Variants in NXPE3 observed in about 807,000 individuals in gnomAD.
NXPE3 encodes neurexophilin and PC-esterase domain family member 3.
In NXPE3, 26 loss-of-function variants were observed where a neutral mutation model predicts 46.1. The observed-to-expected ratio is 0.56, with a 90% confidence interval of 0.41 to 0.78. The LOEUF is 0.78. NXPE3 is among the 30% of genes least tolerant of loss of function. NXPE3 has a pLI of 0.00. For synonymous variants in NXPE3, 272 were observed against 257.9 expected (o/e 1.05, Z -0.52); for missense variants, 620 against 686.0 (o/e 0.90, Z 1.07).
At position 101,821,972 on chromosome 3, in the gene NXPE3, T is replaced by A; in HGVS notation, c.*18T>A. On this transcript the variant is annotated 3_prime_UTR_variant, in exon 8 of 8. Coordinates refer to ENST00000273347, the MANE Select transcript of NXPE3 (RefSeq NM_145037.4). ...AAACCTAGCCTGTCTTGGAAGGGAC[T>A]GGAGGAATCATATTCAATGACCTTC... 8 of 1,601,614 alleles carry A rather than the reference T, an allele frequency of 5.0e-6. No individual in the cohort carries two copies. Among genetic ancestry groups the A allele is most frequent in the Non-Finnish European group, 6.8e-6 (8 of 1,170,848 alleles).
intron 4 of NXPE3, among the ~76,000 whole-genome samples, chr3:101,791,182 G>A (rs374914951): frequency 3.9e-5 from 6 of 152,102 alleles, no homozygotes; most frequent in African/African-American, 1.2e-4. Context: ...ACTTACAAGT[G>A]AGTACATGCC....
At position 101,801,326 on chromosome 3, in the gene NXPE3, A is replaced by T. The variant is rs1244369204; in HGVS notation, c.185A>T (p.Tyr62Phe). 1 of 1,614,192 alleles carries T rather than the reference A, an allele frequency of 6.2e-7. No homozygotes were observed. Among genetic ancestry groups the T allele is most frequent in the Non-Finnish European group, 8.5e-7 (1 of 1,180,036 alleles). The change falls in exon 5 of 8, where the codon TAC becomes TTC. Residue 62 changes from tyrosine (Y) to phenylalanine (F), a missense_variant. By Grantham distance (22) the Tyr-to-Phe change is conservative. Coordinates refer to ENST00000273347, the MANE Select transcript of NXPE3 (RefSeq NM_145037.4). ...GTGACAGGAATTAGCCGAAATCCCTACTGTGGCTATGATCAGCAGACCCTG... is the reference window on the plus strand; with the variant it reads ...GTGACAGGAATTAGCCGAAATCCCTTCTGTGGCTATGATCAGCAGACCCTG... ...SQVTGISRNPYCGYDQQTLSS... is the reference protein window; with the variant it reads ...SQVTGISRNPFCGYDQQTLSS...
At chr3:101,809,257 A>G (rs1268189964) in intron 6 of NXPE3, among the ~76,000 whole-genome samples, 2 of 152,180 alleles carry the variant, frequency 1.3e-5, no homozygotes, top group Non-Finnish European at 1.5e-5. Flanking sequence ...CTGGTTTTGA[A>G]TAGGAAAACC....
chr3:101,818,730 TA>T (rs1560067167), intron 7 of NXPE3, among the ~76,000 whole-genome samples: 7 of 26,016 alleles, frequency 2.7e-4, no homozygotes, highest in African/African-American at 1.1e-3. Flanking sequence ...TATATATATA[TA>T]TATATATATA....
Position 101,801,397 on chromosome 3 carries a change from C to A in NXPE3, c.256C>A (p.His86Asn). 6.2e-7 allele frequency: 1 copy of A among 1,614,220 alleles called. No individual in the cohort carries two copies. Reference protein sequence around the residue: ...MEEDSLLAALHRQVPDVGPVP... With the variant: ...MEEDSLLAALNRQVPDVGPVP... Reference sequence around the variant, plus strand: ...GGAGGACTCCTTGCTGGCTGCCTTGCACCGGCAGGTTCCTGATGTGGGCCC... The same window carrying A: ...GGAGGACTCCTTGCTGGCTGCCTTGAACCGGCAGGTTCCTGATGTGGGCCC... Residue 86 changes from histidine (H) to asparagine (N), a missense_variant, in exon 5 of 8, where the codon CAC becomes AAC. Around this residue, in one of 3 missense-constraint regions of NXPE3, gnomAD observed 511 missense variants for 528.6 expected, o/e 0.97. Coordinates refer to ENST00000273347, the MANE Select transcript of NXPE3 (RefSeq NM_145037.4).
At chr3:101,800,855 C>G (rs1194433221) in intron 4 of NXPE3, among the ~76,000 whole-genome samples, 1 of 152,064 alleles carries the variant, frequency 6.6e-6, no homozygotes, top group East Asian at 1.9e-4. Flanking sequence ...ATATCTTTCT[C>G]CATTCCTTTA....
At position 101,785,611 on chromosome 3, in the gene NXPE3, C is replaced by T. The variant is rs745855069; in HGVS notation, c.15C>T (p.Phe5=). 3.7e-6 allele frequency: 6 copies of T among 1,614,082 alleles called. No individual in the cohort carries two copies. The highest frequency in any genetic ancestry group is 3.4e-6 in the Non-Finnish European group (4 of 1,179,966). ...ACAGCCAGACAATGTGGACCAATTT[C>T]TTCAAACTACGGCTTTTCTGCTGTC... MWTN[F]FKLRLFCCLL... Residue 5 remains phenylalanine (F), a synonymous_variant, in exon 4 of 8, where the codon TTC becomes TTT. Coordinates refer to ENST00000273347, the MANE Select transcript of NXPE3 (RefSeq NM_145037.4).
intron 4 of NXPE3, among the ~76,000 whole-genome samples, chr3:101,789,653 AC>A (rs1349473995): frequency 6.6e-6 from 1 of 152,216 alleles, no homozygotes; most frequent in Non-Finnish European, 1.5e-5. Flanking sequence ...CAGCTGAATT[AC>A]ATTCTAATTT....
In NXPE3 at chr3:101,824,132, A is replaced by G. The variant is rs1047280145; in HGVS notation, c.*2178A>G. ...AAAAAAAAAAAAAAAAAGAGGGACC[A>G]TGATGCCTCTGGGATTTATGAAACC... On this transcript the variant is annotated 3_prime_UTR_variant, in exon 8 of 8. Transcript: ENST00000273347. 6.6e-6 allele frequency: 1 copy of G among 151,372 alleles called. No homozygotes were observed. The highest frequency in any genetic ancestry group is 1.5e-5 in the Non-Finnish European group (1 of 68,100). The allele number at this position is 151,372 out of a possible 1,614,324, so 9.4% of individuals were successfully genotyped here.
At position 101,792,853 on chromosome 3, in the gene NXPE3, G is replaced by A. The variant is rs185829880; in HGVS notation, c.93+7164G>A. Among the ~76,000 whole-genome samples, 41 of 152,266 alleles carry A rather than the reference G, an allele frequency of 2.7e-4. No homozygotes were observed. In the Middle Eastern group the frequency reaches 0.017, roughly 63 times the overall value. ...GCATTGAATCTGTAAATTGCTTTGG[G>A]CAGTATAGCCATTTTAATTATATTG... On this transcript the variant is annotated intron_variant, in intron 4 of 7. Transcript: ENST00000273347.
At chr3:101,795,947 T>C (rs1245422479) in intron 4 of NXPE3, among the ~76,000 whole-genome samples, 1 of 152,222 alleles carries the variant, frequency 6.6e-6, no homozygotes, top group Non-Finnish European at 1.5e-5. Context: ...CATGCCCACC[T>C]GAAGAAACAG....
chr3:101,779,699 C>T (rs920204800), intron 1 of NXPE3: 15 of 152,544 alleles, frequency 9.8e-5, no homozygotes, highest in African/African-American at 3.1e-4. Context: ...ACAGTTCGGA[C>T]CTCCACGCCG....
intron 5 of NXPE3, among the ~76,000 whole-genome samples, chr3:101,804,822 G>T (rs1015194498): frequency 2.0e-5 from 3 of 152,150 alleles, no homozygotes; most frequent in African/African-American, 7.2e-5. Context: ...TTTTGGAAAG[G>T]ACAACAGGGG....
intron 4 of NXPE3, among the ~76,000 whole-genome samples, chr3:101,793,033 A>G (rs2107267169): frequency 6.6e-6 from 1 of 152,190 alleles, no homozygotes; most frequent in African/African-American, 2.4e-5. Flanking sequence ...GCAACTGTGA[A>G]TGGGATTGCC....
rs1392838289 is a variant in NXPE3, at chr3:101,825,078, T to C, written c.*3124T>C. ...GGTAAACTTACGTCATGGGGGTTTGTTGTATAGATGATTTCATCACCCAGG... is the reference window on the plus strand; with the variant it reads ...GGTAAACTTACGTCATGGGGGTTTGCTGTATAGATGATTTCATCACCCAGG... On this transcript the variant is annotated 3_prime_UTR_variant, in exon 8 of 8. Transcript: ENST00000273347. The C allele has an allele frequency of 1.3e-5, 2 of 152,208 alleles. No homozygotes were observed. The highest frequency in any genetic ancestry group is 4.8e-5 in the African/African-American group (2 of 41,456). 9.4% of individuals were successfully genotyped at this position (152,208 alleles called of 1,614,324 possible). A position where few individuals can be genotyped will look rare whatever the true frequency, so the allele number is the denominator to read the frequency against.
chr3:101,802,116 G>C lies in NXPE3; in HGVS notation c.848+127G>C, dbSNP rs901163710. On this transcript the variant is annotated intron_variant, in intron 5 of 7. Transcript: ENST00000273347. ...TCTCTCAACTTGGCCCAATACAGAA[G>C]AGGTAGTGAATAAAAAAAAAAACAT... The C allele has an allele frequency of 1.7e-4, 134 of 793,568 alleles. 2 individuals are homozygous for C. The highest frequency in any genetic ancestry group is 3.8e-5 in the Non-Finnish European group (20 of 519,832). 49.2% of individuals were successfully genotyped at this position (793,568 alleles called of 1,614,324 possible). A position where few individuals can be genotyped will look rare whatever the true frequency, so the allele number is the denominator to read the frequency against.
chr3:101,816,935 G>A lies in NXPE3; in HGVS notation c.1063G>A (p.Val355Met). 1.9e-6 allele frequency: 3 copies of A among 1,614,160 alleles called. No homozygotes were observed. Among genetic ancestry groups the A allele is most frequent in the East Asian group, 2.2e-5 (1 of 44,874 alleles). Residue 355 changes from valine (V) to methionine (M), a missense_variant, in exon 7 of 8, where the codon GTG (valine) becomes ATG (methionine). By Grantham distance (21) the Val-to-Met change is conservative. Around this residue, in one of 3 missense-constraint regions of NXPE3, gnomAD observed 511 missense variants for 528.6 expected, o/e 0.97. Transcript: ENST00000273347. ...CATTACAGAGTGCTTACAAAGAAAA[G>A]TGGTGCATTTATTTGGTGACTCAAC... is the stretch of plus-strand genomic sequence containing the variant. ...DNITECLQRK[V>M]VHLFGDSTIR...
intron 6 of NXPE3, among the ~76,000 whole-genome samples, chr3:101,809,268 A>G (rs1941598505): frequency 6.6e-6 from 1 of 152,216 alleles, no homozygotes. Context: ...TAGGAAAACC[A>G]TCTTGTTGTA....
chr3:101,795,544 A>T (rs1464179390), intron 4 of NXPE3, among the ~76,000 whole-genome samples: 2 of 150,642 alleles, frequency 1.3e-5, no homozygotes, highest in Non-Finnish European at 3.0e-5. Flanking sequence ...AGTCCATATT[A>T]TGAGAAGGGG....
Sources: gnomAD v4.1 joint callset for allele counts (sites outside exome capture counted in the v4.1 genomes callset) on GRCh38, gnomAD v4.1.1 for gene constraint, gnomAD v4.1.1 regional missense constraint, MANE v1.5 for transcripts, NCBI Gene and HGNC (gene_info 2026-07-23, HGNC 2026-07-21) for gene names.